The following LRP1B variants were observed in gnomAD, a reference collection of about 807,000 sequenced individuals.
LRP1B encodes the protein LDL receptor related protein 1B.
Under a neutral mutation model 556.6 loss-of-function variants are expected in LRP1B, and 217 were observed. The ratio of observed to expected loss-of-function variants is 0.39; its 90% CI spans 0.35 to 0.44. The LOEUF (loss-of-function observed/expected upper bound fraction) is 0.44, where lower values mean the gene tolerates loss of function less well. Among genes scored for constraint, LRP1B ranks in the 20% least tolerant of loss-of-function variants. LRP1B has a pLI of 1.00. For synonymous variants in LRP1B, 2,047 were observed against 1,865.8 expected (o/e 1.10, Z -2.50); for missense variants, 5,053 against 5,620.8 (o/e 0.90, Z 3.23).
At chr2:140,301,865 G>A (rs1051523185) in intron 83 of LRP1B, among the ~76,000 whole-genome samples, 17 of 151,526 alleles carry the variant, frequency 1.1e-4, no homozygotes, top group African/African-American at 3.4e-4. Flanking sequence ...GAATATATAT[G>A]CAATAGTGTG....
intron 43 of LRP1B, among the ~76,000 whole-genome samples, chr2:140,549,933 G>A (rs777626898): frequency 9.2e-5 from 14 of 151,620 alleles, no homozygotes; most frequent in Non-Finnish European, 1.9e-4. Flanking sequence ...AGGTATACAC[G>A]TGCCATGGTG....
chr2:141,041,387 A>C (rs894365620), intron 11 of LRP1B, among the ~76,000 whole-genome samples: 3 of 152,072 alleles, frequency 2.0e-5, no homozygotes, highest in African/African-American at 4.8e-5. Context: ...AGCAGAGCTG[A>C]TCCCTTCTGG....
At chr2:140,252,708 T>G (rs920408705) in intron 86 of LRP1B, among the ~76,000 whole-genome samples, 1 of 152,068 alleles carries the variant, frequency 6.6e-6, no homozygotes, top group African/African-American at 2.4e-5. Context: ...GTGTAAGAAT[T>G]ATCACACTGC....
chr2:142,074,290 G>T (rs1290409089), intron 1 of LRP1B, among the ~76,000 whole-genome samples: 1 of 151,970 alleles, frequency 6.6e-6, no homozygotes, highest in African/African-American at 2.4e-5. Context: ...AGTAGGCTTT[G>T]CCTAGCTCCT....
At chr2:141,028,656 A>T (rs1698282238) in intron 11 of LRP1B, among the ~76,000 whole-genome samples, 3 of 152,134 alleles carry the variant, frequency 2.0e-5, no homozygotes, top group South Asian at 4.1e-4. Context: ...ATTGTTTCTT[A>T]TATTAGAACA....
chr2:141,920,278 TTGG>T (rs1177385489), intron 1 of LRP1B, among the ~76,000 whole-genome samples: 2 of 104,826 alleles, frequency 1.9e-5, no homozygotes, highest in Non-Finnish European at 3.9e-5. Context: ...TTCTTTTTTT[TTGG>T]GGGGGGGTGG....
chr2:141,816,111 GGATA>G (rs1298977706), intron 1 of LRP1B, among the ~76,000 whole-genome samples: 1 of 151,958 alleles, frequency 6.6e-6, no homozygotes, highest in Non-Finnish European at 1.5e-5. Context: ...CTATAGGGAG[GGATA>G]GATACAGAAT....
intron 5 of LRP1B, among the ~76,000 whole-genome samples, chr2:141,245,799 A>C (rs2105324308): frequency 6.6e-6 from 1 of 152,326 alleles, no homozygotes. Flanking sequence ...GTTTTGAAAC[A>C]TGAAATGCAA....
At chr2:141,895,357 C>T (rs897911107) in intron 1 of LRP1B, among the ~76,000 whole-genome samples, 1 of 152,066 alleles carries the variant, frequency 6.6e-6, no homozygotes, top group Non-Finnish European at 1.5e-5. Flanking sequence ...AGACACAAAA[C>T]CCCTGTTGCC....
intron 21 of LRP1B, among the ~76,000 whole-genome samples, chr2:140,913,110 C>T (rs1694471244): frequency 6.6e-6 from 1 of 151,748 alleles, no homozygotes. Context: ...TTTTTGAACA[C>T]TGGTCTATAA....
At chr2:141,470,047 G>A (rs1296425212) in intron 3 of LRP1B, among the ~76,000 whole-genome samples, 2 of 150,276 alleles carry the variant, frequency 1.3e-5, no homozygotes, top group East Asian at 4.0e-4. Flanking sequence ...AACATAGTCT[G>A]TATAAGATTG....
chr2:142,044,416 T>A (rs1704181246), intron 1 of LRP1B, among the ~76,000 whole-genome samples: 1 of 151,724 alleles, frequency 6.6e-6, no homozygotes, highest in African/African-American at 2.4e-5. Flanking sequence ...TATAAATCAG[T>A]ACAGTGATCT....
intron 31 of LRP1B, 65 bp from the exon 32 acceptor site, chr2:140,813,871 C>G (rs17575847): frequency 0.52 from 609,945 of 1,181,166 alleles, 162,355 homozygotes; most frequent in East Asian, 0.63. Flanking sequence ...CCACCTAGCA[C>G]CACTGGATTT....
intron 7 of LRP1B, among the ~76,000 whole-genome samples, chr2:141,182,568 G>T (rs1681052811): frequency 6.6e-6 from 1 of 151,678 alleles, no homozygotes; most frequent in African/African-American, 2.4e-5. Flanking sequence ...TTAAGTCCCA[G>T]ATACCTGGGA....
At chr2:140,665,997 T>TAA (rs573342826) in intron 41 of LRP1B, among the ~76,000 whole-genome samples, 2,580 of 150,562 alleles carry the variant, frequency 0.017, 43 homozygotes, top group Admixed American at 0.047. Context: ...AAAAAAAATT[T>TAA]TTTTTTTTTT....
chr2:140,545,126 C>T (rs1269233021), intron 43 of LRP1B, among the ~76,000 whole-genome samples: 4 of 144,158 alleles, frequency 2.8e-5, no homozygotes, highest in African/African-American at 5.2e-5. Flanking sequence ...GTCCTTTGCC[C>T]ACATTTTTAT....
chr2:140,692,394 T>A (rs1013694687), intron 41 of LRP1B, among the ~76,000 whole-genome samples: 2 of 152,150 alleles, frequency 1.3e-5, no homozygotes, highest in African/African-American at 4.8e-5. Context: ...AATTGCTAGG[T>A]GAAAGTATAT....
chr2:141,385,122 A>G (rs1217868463), intron 3 of LRP1B, among the ~76,000 whole-genome samples: 1 of 152,178 alleles, frequency 6.6e-6, no homozygotes, highest in African/African-American at 2.4e-5. Flanking sequence ...CTGCAGCTAA[A>G]TTGTATTAAT....
chr2:141,589,676 T>C (rs1687268291), intron 2 of LRP1B, among the ~76,000 whole-genome samples: 1 of 152,182 alleles, frequency 6.6e-6, no homozygotes, highest in African/African-American at 2.4e-5. Flanking sequence ...ATGGACTTTG[T>C]GGTTGCAATT....
Sources: gnomAD v4.1 joint callset for allele counts (sites outside exome capture counted in the v4.1 genomes callset) on GRCh38, gnomAD v4.1.1 for gene constraint, MANE v1.5 for transcripts, NCBI Gene and HGNC (gene_info 2026-07-23, HGNC 2026-07-21) for gene names.